Variants in KCNB2 observed in about 807,000 individuals in gnomAD.
KCNB2 encodes delayed rectifier potassium channel protein.
A neutral mutation model predicts 61.5 loss-of-function variants in KCNB2; 15 were observed. That is an observed-to-expected ratio of 0.24 (90% confidence interval 0.16 to 0.38). The LOEUF is 0.38. KCNB2 is among the 10% of genes least tolerant of loss of function. KCNB2 has a pLI of 1.00. For missense variants in KCNB2, 828 were observed against 1,125.2 expected, an observed-to-expected ratio of 0.74 and a Z score of 3.78; for synonymous variants, 457 against 446.0, an observed-to-expected ratio of 1.02 and a Z score of -0.31.
intron 2 of KCNB2, among the ~76,000 whole-genome samples, chr8:72,678,461 G>T (rs1200975039): frequency 7.1e-6 from 1 of 141,742 alleles, no homozygotes; most frequent in South Asian, 2.1e-4. Context: ...CCCCACCCCC[G>T]ACCTCCGCCC....
chr8:72,902,177 A>C (rs1244495377), intron 2 of KCNB2, among the ~76,000 whole-genome samples: 1 of 152,176 alleles, frequency 6.6e-6, no homozygotes, highest in Admixed American at 6.5e-5. Context: ...TGGGGGTGGC[A>C]CATAGACAAG....
chr8:72,663,045 A>G (rs971410724), intron 2 of KCNB2, among the ~76,000 whole-genome samples: 56 of 152,156 alleles, frequency 3.7e-4, no homozygotes, highest in Non-Finnish European at 1.3e-4. Context: ...GGCACATTAT[A>G]CTAACCAACA....
chr8:72,602,482 A>G (rs1023307923), intron 2 of KCNB2, among the ~76,000 whole-genome samples: 3 of 152,132 alleles, frequency 2.0e-5, no homozygotes, highest in African/African-American at 4.8e-5. Context: ...ATTTAGCTTT[A>G]TATAATTTCC....
chr8:72,582,300 T>A (rs943355342), intron 2 of KCNB2, among the ~76,000 whole-genome samples: 2 of 152,160 alleles, frequency 1.3e-5, no homozygotes, highest in Non-Finnish European at 2.9e-5. Flanking sequence ...TTCAGGGCTT[T>A]AAGGAACTAA....
chr8:72,789,553 G>A (rs1808901841), intron 2 of KCNB2, among the ~76,000 whole-genome samples: 2 of 152,136 alleles, frequency 1.3e-5, no homozygotes, highest in African/African-American at 4.8e-5. Context: ...ACAAAGCCGT[G>A]AAGGAACACA....
chr8:72,558,021 G>T (rs1806455664), intron 1 of KCNB2, among the ~76,000 whole-genome samples: 1 of 152,158 alleles, frequency 6.6e-6, no homozygotes, highest in African/African-American at 2.4e-5. Flanking sequence ...CTAGTGCTTT[G>T]AAATTTATTA....
intron 2 of KCNB2, among the ~76,000 whole-genome samples, chr8:72,584,932 T>A (rs188801420): frequency 1.3e-5 from 2 of 152,250 alleles, no homozygotes; most frequent in Non-Finnish European, 2.9e-5. Context: ...TAGTCCAGAT[T>A]ATCACAAAGA....
At chr8:72,712,186 G>A (rs181596846) in intron 2 of KCNB2, among the ~76,000 whole-genome samples, 1 of 152,334 alleles carries the variant, frequency 6.6e-6, no homozygotes, top group African/African-American at 2.4e-5. Context: ...CAAGCTCAGT[G>A]TAGAAAGAGA....
chr8:72,726,650 T>G (rs1807655529), intron 2 of KCNB2, among the ~76,000 whole-genome samples: 1 of 152,240 alleles, frequency 6.6e-6, no homozygotes, highest in Non-Finnish European at 1.5e-5. Context: ...GAACAAATAA[T>G]TGTTTCTAAG....
At chr8:72,540,117 G>A (rs1284819635) in intron 1 of KCNB2, among the ~76,000 whole-genome samples, 1 of 152,128 alleles carries the variant, frequency 6.6e-6, no homozygotes, top group African/African-American at 2.4e-5. Flanking sequence ...ATTCTTATAT[G>A]GTAGAGAGAT....
intron 2 of KCNB2, among the ~76,000 whole-genome samples, chr8:72,816,405 A>C (rs1563393498): frequency 6.6e-6 from 1 of 152,220 alleles, no homozygotes; most frequent in Non-Finnish European, 1.5e-5. Context: ...AATAACTGTG[A>C]AAGTTCAGAG....
chr8:72,634,469 G>C (rs1805934399), intron 2 of KCNB2, among the ~76,000 whole-genome samples: 1 of 152,180 alleles, frequency 6.6e-6, no homozygotes, highest in Non-Finnish European at 1.5e-5. Context: ...CACACTTTGA[G>C]TGGTAAGAAT....
intron 2 of KCNB2, among the ~76,000 whole-genome samples, chr8:72,883,994 C>A (rs188584729): frequency 6.6e-6 from 1 of 152,252 alleles, no homozygotes; most frequent in African/African-American, 2.4e-5. Context: ...TATTTTGTTG[C>A]CAATTCTTCT....
chr8:72,917,390 T>TGCA (rs1806420938), intron 2 of KCNB2, among the ~76,000 whole-genome samples: 1 of 89,224 alleles, frequency 1.1e-5, no homozygotes, highest in Admixed American at 9.0e-5. Flanking sequence ...GTTCAGATGT[T>TGCA]TTAAAAAGGC....
chr8:72,809,177 C>T (rs1012100956), intron 2 of KCNB2, among the ~76,000 whole-genome samples: 17 of 152,066 alleles, frequency 1.1e-4, no homozygotes, highest in Admixed American at 7.9e-4. Flanking sequence ...GTAAGGTACT[C>T]TCCTGTGTTT....
chr8:72,727,847 G>A (rs1807678463), intron 2 of KCNB2, among the ~76,000 whole-genome samples: 1 of 152,332 alleles, frequency 6.6e-6, no homozygotes, highest in South Asian at 2.1e-4. Flanking sequence ...TCTAGGAACT[G>A]ATTACAGATT....
chr8:72,719,327 G>T lies in KCNB2; in HGVS notation c.579+151014G>T, dbSNP rs1807506511. ...GTGGAAATAGTGGAAGCACTGGGAA[G>T]ATATGGCCCTGCTCTCTTAGTCTCT... is the stretch of plus-strand genomic sequence containing the variant. On this transcript the variant is annotated intron_variant, in intron 2 of 2. Coordinates refer to ENST00000523207, the MANE Select transcript of KCNB2 (RefSeq NM_004770.3). Among the ~76,000 whole-genome samples, 2 of 152,200 alleles carry T rather than the reference G, an allele frequency of 1.3e-5. 1 individual carries two copies. Among genetic ancestry groups the T allele is most frequent in the South Asian group, 4.1e-4 (2 of 4,826 alleles).
chr8:72,718,757 T>A (rs111493301), intron 2 of KCNB2, among the ~76,000 whole-genome samples: 1 of 152,008 alleles, frequency 6.6e-6, no homozygotes, highest in South Asian at 2.1e-4. Context: ...GGCACATATA[T>A]ACATATGTAA....
chr8:72,566,644 TTGCAGTGAGCTGAGATTG>T lies in KCNB2; in HGVS notation c.-93-976_-93-959del, dbSNP rs573580086. On this transcript the variant is annotated intron_variant, in intron 1 of 2. Transcript: ENST00000523207. ...ATCACTTGAGCCCAGGAGGCAGAAGTTGCAGTGAGCTGAGATTGTGCAGTGAGCTGAGATTGTGCCTGG... is the reference window on the plus strand; with the variant it reads ...ATCACTTGAGCCCAGGAGGCAGAAGTTGCAGTGAGCTGAGATTGTGCCTGG... Among the ~76,000 whole-genome samples the T allele has an allele frequency of 1.7e-3, 256 of 151,418 alleles. 2 individuals are homozygous for T. Among genetic ancestry groups the T allele is most frequent in the Admixed American group, 7.4e-3 (113 of 15,214 alleles).
Sources: allele counts gnomAD v4.1 joint callset (sites outside exome capture counted in the v4.1 genomes callset), GRCh38; gene constraint gnomAD v4.1.1; transcripts MANE v1.5; gene names NCBI Gene and HGNC (gene_info 2026-07-23, HGNC 2026-07-21).